The following MITF variants were observed in gnomAD, a reference collection of about 807,000 sequenced individuals.
MITF encodes the protein microphthalmia-associated transcription factor.
MITF carries 17 observed loss-of-function variants against 60.5 expected under a neutral mutation model. That is an observed-to-expected ratio of 0.28 (90% CI 0.19 to 0.42). The LOEUF (loss-of-function observed/expected upper bound fraction) is 0.42, where lower values mean the gene tolerates loss of function less well. MITF is among the 10% of genes least tolerant of loss of function. MITF has a pLI of 1.00. For missense variants in MITF, 622 were observed against 683.5 expected, an observed-to-expected ratio of 0.91 and a Z score of 1.00; for synonymous variants, 260 against 248.5, an observed-to-expected ratio of 1.05 and a Z score of -0.43.
chr3:69,739,825 G>A (rs1703458806), intron 1 of MITF, 124 bp downstream of exon 1: 1 of 718,466 alleles, frequency 1.4e-6, no homozygotes, highest in East Asian at 2.8e-5. Flanking sequence ...TTGCCCCGGA[G>A]CAGAGGGCGA....
Position 69,772,104 on chromosome 3 carries a change from G to A in MITF, c.104+32403G>A, listed in dbSNP as rs112246602. ...CTGGTGGGGTAAGAGTAGCCTGGAT[G>A]CAAACCTTTATTGGGTTCTTAAACA... On this transcript the variant is annotated intron_variant, in intron 1 of 9. Coordinates refer to ENST00000352241, the MANE Select transcript of MITF (RefSeq NM_001354604.2). 3.7e-4 allele frequency among the ~76,000 whole-genome samples: 57 copies of A among 152,290 alleles called. 1 individual carries two copies. Among genetic ancestry groups the A allele is most frequent in the Middle Eastern group, 3.4e-3 (1 of 294 alleles).
intron 1 of MITF, among the ~76,000 whole-genome samples, chr3:69,833,068 T>C (rs144074161): frequency 1.9e-3 from 294 of 152,374 alleles, no homozygotes; most frequent in Non-Finnish European, 3.8e-3. Flanking sequence ...TGTTTTTCTA[T>C]TTATGCCGTA....
intron 2 of MITF, among the ~76,000 whole-genome samples, chr3:69,884,722 A>C (rs1293550014): frequency 6.6e-6 from 1 of 152,208 alleles, no homozygotes; most frequent in Admixed American, 6.5e-5. Flanking sequence ...CAATAAGTGC[A>C]AGAATCACAG....
chr3:69,943,194 A>G (rs2066011528), intron 5 of MITF, among the ~76,000 whole-genome samples: 1 of 150,320 alleles, frequency 6.7e-6, no homozygotes, highest in Non-Finnish European at 1.5e-5. Context: ...GTGCCACTAC[A>G]CCTGGCCTGA....
intron 1 of MITF, among the ~76,000 whole-genome samples, chr3:69,755,836 G>C (rs1367411743): frequency 6.6e-6 from 1 of 152,148 alleles, no homozygotes; most frequent in Non-Finnish European, 1.5e-5. Flanking sequence ...GGGTGCAGTA[G>C]ATACCAGCTG....
At chr3:69,912,886 G>A (rs1028242603) in intron 2 of MITF, among the ~76,000 whole-genome samples, 2 of 152,128 alleles carry the variant, frequency 1.3e-5, no homozygotes, top group Non-Finnish European at 2.9e-5. Flanking sequence ...TGTTCATAAT[G>A]CAAGAATATT....
intron 2 of MITF, among the ~76,000 whole-genome samples, chr3:69,889,190 C>T (rs1216048020): frequency 6.6e-6 from 1 of 151,668 alleles, no homozygotes; most frequent in East Asian, 1.9e-4. Context: ...GTTTGAATGC[C>T]AGATTCCCAT....
chr3:69,921,603 C>T (rs910705544), intron 2 of MITF, among the ~76,000 whole-genome samples: 1 of 152,140 alleles, frequency 6.6e-6, no homozygotes. Context: ...ATGACGTTTC[C>T]TGCACCCTCC....
chr3:69,902,807 C>T (rs1406287012), intron 2 of MITF, among the ~76,000 whole-genome samples: 1 of 151,420 alleles, frequency 6.6e-6, no homozygotes, highest in Non-Finnish European at 1.5e-5. Context: ...ATTGTTAGCC[C>T]ATGATATTTA....
chr3:69,949,725 C>A (rs750420515), intron 6 of MITF, among the ~76,000 whole-genome samples: 20 of 152,260 alleles, frequency 1.3e-4, no homozygotes, highest in South Asian at 4.1e-4. Context: ...ATTATTTGTT[C>A]TTGAGGCAAG....
rs113891148 is a variant in MITF, at chr3:69,833,904, C to G, written c.105-45230C>G. On this transcript the variant is annotated intron_variant, in intron 1 of 9. Transcript: ENST00000352241. Reference sequence around the variant, plus strand: ...CTCTATTACTGAAGGTCTGTGAGAGCAGTAGCCATGCCTCTTTCATGCACT... The same window carrying G: ...CTCTATTACTGAAGGTCTGTGAGAGGAGTAGCCATGCCTCTTTCATGCACT... 2.6e-5 allele frequency among the ~76,000 whole-genome samples: 4 copies of G among 152,344 alleles called. 1 individual carries two copies. The highest frequency in any genetic ancestry group is 9.6e-5 in the African/African-American group (4 of 41,572).
chr3:69,783,460 A>G lies in MITF; in HGVS notation c.104+43759A>G, dbSNP rs370131375. ...GTATGTGTGTGTGTGCACGTATTCA[A>G]AGGAGATATTTATATATGATATGTA... On this transcript the variant is annotated intron_variant, in intron 1 of 9. Transcript: ENST00000352241. Among the ~76,000 whole-genome samples the G allele has an allele frequency of 7.3e-4, 109 of 149,468 alleles. 1 individual carries two copies. In the South Asian group the frequency reaches 0.022, roughly 30 times the overall value.
chr3:69,746,242 A>G (rs1478922704), intron 1 of MITF, among the ~76,000 whole-genome samples: 4 of 152,234 alleles, frequency 2.6e-5, no homozygotes, highest in South Asian at 4.1e-4. Flanking sequence ...TCTGCAGTGC[A>G]GTTTGCACAG....
At chr3:69,756,215 A>G (rs1296484492) in intron 1 of MITF, among the ~76,000 whole-genome samples, 1 of 151,952 alleles carries the variant, frequency 6.6e-6, no homozygotes, top group Non-Finnish European at 1.5e-5. Context: ...TGCTGCACCT[A>G]TCAACCCATC....
At chr3:69,758,240 G>C (rs1341542833) in intron 1 of MITF, among the ~76,000 whole-genome samples, 1 of 151,764 alleles carries the variant, frequency 6.6e-6, no homozygotes, top group Non-Finnish European at 1.5e-5. Context: ...TGCAATCATA[G>C]CTTCCTATAG....
intron 6 of MITF, among the ~76,000 whole-genome samples, chr3:69,950,930 T>A (rs909430618): frequency 3.3e-5 from 5 of 152,118 alleles, no homozygotes; most frequent in African/African-American, 1.2e-4. Flanking sequence ...CCTCTATTCC[T>A]ATTTTGTTTT....
intron 1 of MITF, chr3:69,763,733 T>C (rs2062245518): frequency 4.5e-6 from 6 of 1,345,650 alleles, no homozygotes; most frequent in Non-Finnish European, 4.9e-6. Flanking sequence ...GTTTGGTCAG[T>C]CGAGTTTGGT....
At position 69,956,510 on chromosome 3, in the gene MITF, G is replaced by A. The variant is rs1265108005; in HGVS notation, c.1011G>A (p.Leu337=). ...INDRIKELGT[L]IPKSNDPDMR... ...ACCGCATTAAAGAACTAGGTACTTT[G>A]ATTCCCAAGTCAAATGATCCGTGAG... The change falls in exon 8 of 10, where the codon TTG becomes TTA. Residue 337 remains leucine (L), a synonymous_variant. Coordinates refer to ENST00000352241, the MANE Select transcript of MITF (RefSeq NM_001354604.2). 14 of 1,612,934 alleles carry A rather than the reference G, an allele frequency of 8.7e-6. No homozygotes were observed. The highest frequency in any genetic ancestry group is 1.2e-5 in the Non-Finnish European group (14 of 1,179,048).
At chr3:69,942,640 T>G (rs1225921696) in intron 5 of MITF, among the ~76,000 whole-genome samples, 1 of 152,092 alleles carries the variant, frequency 6.6e-6, no homozygotes, top group Non-Finnish European at 1.5e-5. Context: ...GTTCTACTAT[T>G]GTGATGAAAG....
Sources: gnomAD v4.1 joint callset for allele counts (sites outside exome capture counted in the v4.1 genomes callset) on GRCh38, gnomAD v4.1.1 for gene constraint, MANE v1.5 for transcripts, NCBI Gene and HGNC (gene_info 2026-07-23, HGNC 2026-07-21) for gene names.